The following TAF6 variants were observed in gnomAD, a reference collection of about 807,000 sequenced individuals.
TAF6 encodes transcription initiation factor TFIID subunit 6.
TAF6 carries 50 observed loss-of-function variants against 73.5 expected under a neutral mutation model. That is an observed-to-expected ratio of 0.68 (90% CI 0.54 to 0.86). TAF6 has a LOEUF of 0.86. Among genes scored for constraint, TAF6 ranks in the 40% least tolerant of loss-of-function variants. TAF6 has a pLI of 0.00. For synonymous variants in TAF6, 424 were observed against 376.7 expected (o/e 1.13, Z -1.45); for missense variants, 768 against 899.5 (o/e 0.85, Z 1.87).
At chr7:100,123,471 C>T (rs775328993), upstream of TAF6, among the ~76,000 whole-genome samples, 5 of 152,196 alleles carry the variant, frequency 3.3e-5, no homozygotes, top group Admixed American at 6.5e-5. Flanking sequence ...AGTTAGAGAC[C>T]AGCTTGTGCA....
At chr7:100,111,604 C>A (rs1797185964) in intron 9 of TAF6, 124 bp downstream of exon 9, 4 of 1,036,644 alleles carry the variant, frequency 3.9e-6, no homozygotes, top group Non-Finnish European at 5.9e-6. Context: ...CTCAAGCAAT[C>A]CTCCCACTTC....
chr7:100,125,612 C>T, the TAF6 span: 2 of 152,118 alleles, frequency 1.3e-5, no homozygotes, highest in African/African-American at 4.8e-5. Context: ...CAAGCTCCAG[C>T]CTGAGCAACA....
the TAF6 span, chr7:100,125,338 C>T: frequency 6.2e-6 from 1 of 160,640 alleles, no homozygotes; most frequent in African/African-American, 2.4e-5. Flanking sequence ...TACACACCAG[C>T]AAACCGTGAA....
In TAF6 at chr7:100,110,288, G is replaced by A. The variant is rs1485038222; in HGVS notation, c.1084-14C>T. 1 of 1,613,696 alleles carries A rather than the reference G, an allele frequency of 6.2e-7. No homozygotes were observed. Among genetic ancestry groups the A allele is most frequent in the Non-Finnish European group, 8.5e-7 (1 of 1,179,754 alleles). On this transcript the variant is annotated splice_polypyrimidine_tract_variant and intron_variant, in intron 10 of 14. Coordinates refer to ENST00000453269, the MANE Select transcript of TAF6 (RefSeq NM_139315.3). ...GTCCACCCAGCTCTGTAAGGGGAAG[G>A]AAATAAACTAAGATGAAGGGGTCTG...
At chr7:100,120,058 G>T, upstream of TAF6, 1 of 485,932 alleles carries the variant, frequency 2.1e-6, no homozygotes, top group Non-Finnish European at 3.6e-6. Flanking sequence ...TCCAGAGAGA[G>T]CCTGCATTTT....
Position 100,113,963 on chromosome 7 carries a change from G to C in TAF6, c.157-9C>G, listed in dbSNP as rs754825102. On this transcript the variant is annotated splice_polypyrimidine_tract_variant and intron_variant, in intron 2 of 14. Transcript: ENST00000453269. ...ATGAACTTCAAGGCATCCTGGGGTC[G>C]GTGACAGAACAGACATCAGCCCAAA... 6.2e-7 allele frequency: 1 copy of C among 1,614,004 alleles called. No homozygotes were observed. The highest frequency in any genetic ancestry group is 1.3e-5 in the African/African-American group (1 of 74,890).
Position 100,112,988 on chromosome 7 carries a change from GAT to G in TAF6, c.455-73_455-72del, listed in dbSNP as rs1478505669. On this transcript the variant is annotated intron_variant, in intron 5 of 14. Coordinates refer to ENST00000453269, the MANE Select transcript of TAF6 (RefSeq NM_139315.3). ...AAAAGTAAAAGGTGGGAGGAGGCCG[GAT>G]GCGGTGGCTCATGCCTGTAATCCCA... The G allele has an allele frequency of 3.9e-6, 6 of 1,550,258 alleles. No homozygotes were observed. In the African/African-American group the frequency reaches 8.2e-5, roughly 21 times the overall value.
intron 1 of TAF6, 147 bp from the exon 2 acceptor site, chr7:100,114,415 A>C (rs1019925868): frequency 4.8e-6 from 4 of 831,302 alleles, no homozygotes; most frequent in Non-Finnish European, 7.8e-6. Context: ...GTAACAGAGA[A>C]AGATACAAAT....
At position 100,113,789 on chromosome 7, in the gene TAF6, C is replaced by G. The variant is rs200629978; in HGVS notation, c.244-20G>C. Reference sequence around the variant, plus strand: ...GAGTGGCTGTGGCAGGAGAGAGGGGCATGGGTAAGAAGGGAGCCGGAGGAG... The same window carrying G: ...GAGTGGCTGTGGCAGGAGAGAGGGGGATGGGTAAGAAGGGAGCCGGAGGAG... On this transcript the variant is annotated intron_variant, in intron 3 of 14. Transcript: ENST00000453269. The G allele has an allele frequency of 1.2e-6, 2 of 1,613,584 alleles. No homozygotes were observed. Among genetic ancestry groups the G allele is most frequent in the East Asian group, 4.5e-5 (2 of 44,868 alleles).
Position 100,113,769 on chromosome 7 carries a change from G to A in TAF6, c.244C>T (p.Pro82Ser). Residue 82 changes from proline to serine, a missense_variant and splice_region_variant, in exon 4 of 15, where the codon CCA (proline) becomes TCA (serine). By Grantham distance (74) the Pro-to-Ser change is moderately conservative. This residue lies in a region of TAF6 where 269 missense variants were observed against 268.0 expected (regional missense o/e 1.00). Coordinates refer to ENST00000453269, the MANE Select transcript of TAF6 (RefSeq NM_139315.3). ...TCCTGGGCGTGGAAGCCATAGAGTG[G>A]CTGTGGCAGGAGAGAGGGGCATGGG... The part of the protein sequence containing the change: ...DYALKLKNVE[P>S]LYGFHAQEFI... 6.2e-7 allele frequency: 1 copy of A among 1,613,894 alleles called. No individual in the cohort carries two copies. The highest frequency in any genetic ancestry group is 8.5e-7 in the Non-Finnish European group (1 of 1,179,916).
chr7:100,111,002 A>T (rs1797138948), intron 10 of TAF6, 137 bp downstream of exon 10: 4 of 962,082 alleles, frequency 4.2e-6, no homozygotes, highest in Non-Finnish European at 6.0e-6. Flanking sequence ...AAAAGGTATT[A>T]CAGACAAGCC....
the TAF6 span, chr7:100,125,159 T>C: frequency 5.1e-6 from 2 of 395,428 alleles, no homozygotes; most frequent in Non-Finnish European, 9.0e-6. Context: ...TACTGAAAGC[T>C]TTCCTCTTTA....
At chr7:100,111,342 C>G (rs766332461) in intron 9 of TAF6, 21 bp from the exon 10 acceptor site, 2 of 1,602,256 alleles carry the variant, frequency 1.2e-6, no homozygotes, top group East Asian at 4.5e-5. Flanking sequence ...AAGGGCGGGA[C>G]AGCTGATTCT....
At chr7:100,119,727 T>C (rs1401492304), upstream of TAF6, 1 of 1,614,110 alleles carries the variant, frequency 6.2e-7, no homozygotes, top group East Asian at 2.2e-5. Context: ...GGTGATTGTT[T>C]GTAGACGGCG....
intron 12 of TAF6, 132 bp downstream of exon 12, chr7:100,109,816 T>C (rs945910078): frequency 1.3e-5 from 18 of 1,365,470 alleles, no homozygotes; most frequent in South Asian, 1.4e-5. Context: ...ATCTGTAAAA[T>C]AGTATCAGAC....
At chr7:100,119,908 CCTT>C (rs1333334124), upstream of TAF6, 8 of 1,527,094 alleles carry the variant, frequency 5.2e-6, no homozygotes, top group Non-Finnish European at 7.1e-6. Context: ...GGCCACACCT[CCTT>C]CTTCTAGGCC....
Position 100,113,599 on chromosome 7 carries a change from C to T in TAF6, c.397+17G>A. 1.2e-6 allele frequency: 2 copies of T among 1,612,998 alleles called. No homozygotes were observed. The highest frequency in any genetic ancestry group is 1.7e-6 in the Non-Finnish European group (2 of 1,179,428). Reference sequence around the variant, plus strand: ...CCTTTCCCTCCTCCCTGCCACCCTGCTCTCCCCTCCCCCAACCTTTGAGGC... The same window carrying T: ...CCTTTCCCTCCTCCCTGCCACCCTGTTCTCCCCTCCCCCAACCTTTGAGGC... On this transcript the variant is annotated intron_variant, in intron 4 of 14. Coordinates refer to ENST00000453269, the MANE Select transcript of TAF6 (RefSeq NM_139315.3).
At chr7:100,124,460 G>A (rs183956691), upstream of TAF6, 78 of 1,390,900 alleles carry the variant, frequency 5.6e-5, no homozygotes, top group Admixed American at 8.2e-4. Context: ...GAAGACAGGC[G>A]GGATCCCAAA....
upstream of TAF6, chr7:100,119,404 C>A (rs1797949456): frequency 3.4e-6 from 4 of 1,160,880 alleles, no homozygotes; most frequent in Non-Finnish European, 3.2e-6. Context: ...AAGTCACTGC[C>A]CCTTCCCCGT....
Sources: allele counts gnomAD v4.1 joint callset (sites outside exome capture counted in the v4.1 genomes callset), GRCh38; gene constraint gnomAD v4.1.1; regional missense constraint gnomAD v4.1.1; transcripts MANE v1.5; gene names NCBI Gene and HGNC (gene_info 2026-07-23, HGNC 2026-07-21).